Variants in ANO3 observed in about 807,000 individuals in gnomAD.
The protein encoded by ANO3 is anoctamin-3.
In ANO3, 99 loss-of-function variants were observed where a neutral mutation model predicts 144.8. The observed-to-expected ratio is 0.68, with a 90% CI of 0.58 to 0.81. ANO3 has a LOEUF of 0.81. ANO3 is among the 30% of genes least tolerant of loss of function. The probability of loss-of-function intolerance (pLI) is 0.00; values close to 1 mark genes in which losing one functional copy is unlikely to be tolerated. For synonymous variants in ANO3, 414 were observed against 392.6 expected (o/e 1.05, Z -0.64); for missense variants, 905 against 1,202.2 (o/e 0.75, Z 3.66).
intron 1 of ANO3, among the ~76,000 whole-genome samples, chr11:26,415,434 A>C (rs2133991075): frequency 6.6e-6 from 1 of 152,198 alleles, no homozygotes; most frequent in Non-Finnish European, 1.5e-5. Flanking sequence ...TTATACAGTC[A>C]GTAAAAAGCA....
intron 1 of ANO3, among the ~76,000 whole-genome samples, chr11:26,435,836 T>C (rs1210005278): frequency 6.6e-6 from 1 of 152,238 alleles, no homozygotes; most frequent in Non-Finnish European, 1.5e-5. Context: ...TTTGCCATTC[T>C]CCTAAATCTT....
chr11:26,237,681 CTCTT>C (rs1325162189), intron 1 of ANO3, among the ~76,000 whole-genome samples: 1 of 152,012 alleles, frequency 6.6e-6, no homozygotes, highest in Non-Finnish European at 1.5e-5. Context: ...TATTCCTTGA[CTCTT>C]TCAGGGTAGG....
At chr11:26,414,469 C>T (rs1487590792) in intron 1 of ANO3, among the ~76,000 whole-genome samples, 1 of 151,966 alleles carries the variant, frequency 6.6e-6, no homozygotes, top group Non-Finnish European at 1.5e-5. Flanking sequence ...AAGCCATCAT[C>T]CTCAGCAGAC....
At chr11:26,421,089 G>T (rs1373311667) in intron 1 of ANO3, among the ~76,000 whole-genome samples, 1 of 151,952 alleles carries the variant, frequency 6.6e-6, no homozygotes, top group Non-Finnish European at 1.5e-5. Context: ...ATAAAATGGG[G>T]ATGACAGATC....
At chr11:26,228,691 A>G (rs1852311348) in intron 1 of ANO3, among the ~76,000 whole-genome samples, 1 of 152,188 alleles carries the variant, frequency 6.6e-6, no homozygotes, top group African/African-American at 2.4e-5. Context: ...TTTCTATCAC[A>G]GGGCAAAATT....
intron 1 of ANO3, among the ~76,000 whole-genome samples, chr11:26,245,020 T>TGTGTGTGTGTGCGC (rs1261271327): frequency 1.4e-5 from 2 of 141,510 alleles, no homozygotes; most frequent in Admixed American, 7.2e-5. Context: ...TGTGTGTGTG[T>TGTGTGTGTGTGCGC]GCATGCATGC....
At chr11:26,381,934 C>T (rs1313793515) in intron 1 of ANO3, among the ~76,000 whole-genome samples, 1 of 151,918 alleles carries the variant, frequency 6.6e-6, no homozygotes, top group African/African-American at 2.4e-5. Context: ...TGAAAATATA[C>T]CTTTGATGTC....
At chr11:26,453,384 G>T (rs906016876) in intron 3 of ANO3, among the ~76,000 whole-genome samples, 8 of 152,052 alleles carry the variant, frequency 5.3e-5, no homozygotes, top group Non-Finnish European at 8.8e-5. Flanking sequence ...GATGGAGGAA[G>T]ATCTACCAAG....
intron 1 of ANO3, among the ~76,000 whole-genome samples, chr11:26,288,647 A>G (rs1853864036): frequency 6.6e-6 from 1 of 152,198 alleles, no homozygotes; most frequent in Non-Finnish European, 1.5e-5. Flanking sequence ...ATGTGTCTGG[A>G]GCAATAGGGA....
Position 26,596,782 on chromosome 11 carries a change from G to T in ANO3, c.1448-1583G>T, listed in dbSNP as rs557652567. 4.6e-5 allele frequency among the ~76,000 whole-genome samples: 7 copies of T among 152,282 alleles called. No homozygotes were observed. The East Asian group carries it at 1.4e-3, about 29-fold the overall frequency. On this transcript the variant is annotated intron_variant, in intron 14 of 26. Coordinates refer to ENST00000256737, the MANE Select transcript of ANO3 (RefSeq NM_031418.4). The stretch of plus-strand genomic sequence containing the variant: ...GATATGGGTCAGAAGGAGAGGTAGG[G>T]GCACACACATGGGCAACTGTTGAGT...
chr11:26,543,018 C>G (rs766485195), intron 11 of ANO3, among the ~76,000 whole-genome samples: 5 of 152,042 alleles, frequency 3.3e-5, no homozygotes, highest in African/African-American at 1.2e-4. Context: ...TATACAGAAG[C>G]ATAAGCCAGG....
rs72278856 is a variant in ANO3, at chr11:26,535,571, C to CTTTTTT, written c.976+1033_976+1038dup. ...AATACACTATGTTTCAAGACAGCCA[C>CTTTTTT]TTTTTTTTTTTTTTTTTTTTTTTTT... On this transcript the variant is annotated intron_variant, in intron 9 of 26. Transcript: ENST00000256737. Among the ~76,000 whole-genome samples the CTTTTTT allele has an allele frequency of 6.7e-4, 39 of 58,610 alleles. 4 individuals carry two copies. Among genetic ancestry groups the CTTTTTT allele is most frequent in the Admixed American group, 2.4e-3 (7 of 2,878 alleles). The allele number at this position is 58,610 out of a possible 152,430, so 38.5% of individuals were successfully genotyped here. A position where few individuals can be genotyped will look rare whatever the true frequency, so the allele number is the denominator to read the frequency against.
chr11:26,440,140 T>C (rs943324263), intron 1 of ANO3, among the ~76,000 whole-genome samples: 10 of 152,104 alleles, frequency 6.6e-5, no homozygotes, highest in African/African-American at 2.4e-4. Flanking sequence ...AGCCAACATC[T>C]CAACTCAGGT....
chr11:26,612,523 A>G (rs569325323), intron 17 of ANO3, among the ~76,000 whole-genome samples: 69 of 149,752 alleles, frequency 4.6e-4, no homozygotes, highest in Middle Eastern at 3.4e-3. Context: ...TAGATGATTG[A>G]AAGTTTACAT....
intron 1 of ANO3, among the ~76,000 whole-genome samples, chr11:26,387,497 T>C (rs1856766438): frequency 7.2e-6 from 1 of 138,620 alleles, no homozygotes; most frequent in African/African-American, 3.0e-5. Context: ...ATTTCTAAAG[T>C]TACTTCGTGA....
intron 14 of ANO3, among the ~76,000 whole-genome samples, chr11:26,595,892 G>A (rs1046349310): frequency 6.6e-5 from 10 of 152,166 alleles, no homozygotes; most frequent in Non-Finnish European, 8.8e-5. Context: ...TTCCTCTAAA[G>A]GTTATTTTTC....
chr11:26,528,350 T>C (rs1223599055), intron 7 of ANO3, among the ~76,000 whole-genome samples: 3 of 152,178 alleles, frequency 2.0e-5, no homozygotes, highest in African/African-American at 7.2e-5. Context: ...AGGCCAACCA[T>C]ATTTCACTAT....
rs1475953198 is a variant in ANO3, at chr11:26,482,854, TTGTC to T, written c.432+19713_432+19716del. The stretch of plus-strand genomic sequence containing the variant: ...TTATGTGAACAGGAGATATTTGATT[TTGTC>T]TGTCTGAGTTGTTTCCCTTAAGAGA... On this transcript the variant is annotated intron_variant, in intron 4 of 26. Transcript: ENST00000256737. 3.3e-5 allele frequency among the ~76,000 whole-genome samples: 5 copies of T among 152,342 alleles called. No homozygotes were observed. The East Asian group carries it at 5.8e-4, about 18-fold the overall frequency.
At chr11:26,491,262 G>T (rs1860696431) in intron 4 of ANO3, among the ~76,000 whole-genome samples, 1 of 152,176 alleles carries the variant, frequency 6.6e-6, no homozygotes, top group African/African-American at 2.4e-5. Context: ...TAAATTTTAA[G>T]AATGAATTAG....
Sources: gnomAD v4.1 joint callset for allele counts (sites outside exome capture counted in the v4.1 genomes callset) on GRCh38, gnomAD v4.1.1 for gene constraint, MANE v1.5 for transcripts, NCBI Gene and HGNC (gene_info 2026-07-23, HGNC 2026-07-21) for gene names.